TAF4: variants seen among roughly 807,000 people sequenced by gnomAD.
The protein encoded by TAF4 is transcription initiation factor TFIID subunit 4.
A neutral mutation model predicts 90.3 loss-of-function variants in TAF4; 9 were observed. That is an observed-to-expected ratio of 0.10 (90% CI 0.06 to 0.17). The LOEUF is 0.17. TAF4 is among the 10% of genes least tolerant of loss of function. TAF4 has a pLI of 1.00. For synonymous variants in TAF4, 818 were observed against 638.9 expected (o/e 1.28, Z -4.23); for missense variants, 1,351 against 1,370.7 (o/e 0.99, Z 0.23).
chr20:62,009,486 C>T (rs987305802), intron 4 of TAF4, among the ~76,000 whole-genome samples: 1 of 152,240 alleles, frequency 6.6e-6, no homozygotes, highest in African/African-American at 2.4e-5. Flanking sequence ...ACCATAAGGA[C>T]AACCTATGCC....
chr20:62,018,675 G>A (rs1283837969), intron 1 of TAF4, among the ~76,000 whole-genome samples: 1 of 152,256 alleles, frequency 6.6e-6, no homozygotes, highest in Non-Finnish European at 1.5e-5. Flanking sequence ...AGGTCTTTGT[G>A]AGGAATGCAG....
intron 8 of TAF4, 26 bp from the exon 9 acceptor site, chr20:62,003,300 C>A: frequency 6.4e-7 from 1 of 1,570,912 alleles, no homozygotes; most frequent in Non-Finnish European, 8.8e-7. Flanking sequence ...ACAGTGGAAA[C>A]CACACAAGGC....
intron 14 of TAF4, among the ~76,000 whole-genome samples, chr20:61,997,140 G>A (rs929304603): frequency 6.6e-6 from 1 of 152,172 alleles, no homozygotes; most frequent in Non-Finnish European, 1.5e-5. Flanking sequence ...AATGGAATTT[G>A]GAGAAACAGC....
intron 1 of TAF4, among the ~76,000 whole-genome samples, chr20:62,021,582 G>T: frequency 6.6e-6 from 1 of 152,266 alleles, no homozygotes; most frequent in East Asian, 1.9e-4. Context: ...CCGGGGCTCT[G>T]CGGACTGCGG....
In TAF4 at chr20:61,995,638, T is replaced by C. The variant is rs978909882; in HGVS notation, c.3090+1912A>G. Among the ~76,000 whole-genome samples, 4 of 14,306 alleles carry C rather than the reference T, an allele frequency of 2.8e-4. 1 individual carries two copies. Among genetic ancestry groups the C allele is most frequent in the Non-Finnish European group, 5.2e-4 (4 of 7,652 alleles). 9.4% of individuals were successfully genotyped at this position (14,306 alleles called of 152,430 possible). A position where few individuals can be genotyped will look rare whatever the true frequency, so the allele number is the denominator to read the frequency against. ...CAGCACTTTGGGAGGCCGAGGCGGG[T>C]GGATCATGAGGTCAGGAGATCGAGA... On this transcript the variant is annotated intron_variant, in intron 14 of 14. Transcript: ENST00000252996.
chr20:61,981,955 C>T (rs1402550443), intron 14 of TAF4, among the ~76,000 whole-genome samples: 2 of 141,540 alleles, frequency 1.4e-5, no homozygotes, highest in African/African-American at 2.7e-5. Context: ...CCACACCCAC[C>T]GGAGAGGAGA....
At chr20:61,989,954 G>C (rs1049617722) in intron 14 of TAF4, among the ~76,000 whole-genome samples, 4 of 152,202 alleles carry the variant, frequency 2.6e-5, no homozygotes, top group Non-Finnish European at 5.9e-5. Context: ...GAGGCTGTGG[G>C]TGGAGGTGCG....
chr20:62,007,571 T>G lies in TAF4; in HGVS notation c.1950A>C (p.Gln650His). 2 of 1,613,318 alleles carry G rather than the reference T, an allele frequency of 1.2e-6. No homozygotes were observed. Among genetic ancestry groups the G allele is most frequent in the Non-Finnish European group, 1.7e-6 (2 of 1,179,718 alleles). Residue 650 changes from glutamine (Q) to histidine (H), a missense_variant, in exon 6 of 15, where the codon CAA becomes CAC. Gln to His is a conservative substitution (Grantham distance 24, BLOSUM62 0). Around this residue, in one of 9 missense-constraint regions of TAF4, gnomAD observed 44 missense variants for 97.4 expected, o/e 0.45. Transcript: ENST00000252996. ...CCTTCAGGAAAGGCACAAGGTAAGG[T>G]TGAGGTGAAGAATTAAGTTCTCGGT... is the stretch of plus-strand genomic sequence containing the variant. Reference protein sequence around the residue: ...RLYRELNSSPQPYLVPFLKRS... With the variant: ...RLYRELNSSPHPYLVPFLKRS...
intron 1 of TAF4, among the ~76,000 whole-genome samples, chr20:62,042,067 G>T (rs2055966704): frequency 6.6e-6 from 1 of 152,168 alleles, no homozygotes; most frequent in Non-Finnish European, 1.5e-5. Flanking sequence ...CCCTAAATGG[G>T]AACAGGCATT....
rs746054320 is a variant in TAF4, at chr20:62,003,803, C to T, written c.2299G>A (p.Ala767Thr). Reference sequence around the variant, plus strand: ...ATCCGGTTGTGAGGCTGCCGCAGGGCGACCATGGGTGTCTGCGTCAACGTC... The same window carrying T: ...ATCCGGTTGTGAGGCTGCCGCAGGGTGACCATGGGTGTCTGCGTCAACGTC... ...QVTLTQTPMV[A>T]LRQPHNRIML... The change falls in exon 8 of 15, where the codon GCC (alanine) becomes ACC (threonine). Residue 767 changes from alanine to threonine, a missense_variant. Transcript: ENST00000252996. The T allele has an allele frequency of 5.0e-6, 8 of 1,608,408 alleles. No individual in the cohort carries two copies. The highest frequency in any genetic ancestry group is 2.2e-5 in the South Asian group (2 of 90,874).
chr20:62,030,039 A>G (rs2055896064), intron 1 of TAF4, among the ~76,000 whole-genome samples: 1 of 152,174 alleles, frequency 6.6e-6, no homozygotes, highest in African/African-American at 2.4e-5. Flanking sequence ...GGGTGTCAGG[A>G]GCTGGCCAGG....
In TAF4 at chr20:62,065,044, G is replaced by A. The variant is rs2056118233; in HGVS notation, c.767C>T (p.Ser256Leu). Residue 256 changes from serine (S) to leucine (L), a missense_variant, in exon 1 of 15, where the codon TCG (serine) becomes TTG (leucine). Physicochemically the swap from Ser to Leu is moderately radical, Grantham distance 145. Around this residue, in one of 9 missense-constraint regions of TAF4, gnomAD observed 782 missense variants for 536.6 expected, o/e 1.46. Coordinates refer to ENST00000252996, the MANE Select transcript of TAF4 (RefSeq NM_003185.4). The part of the protein sequence containing the change: ...AAAPPAPAAP[S>L]PPAAPAPAAP... ...GGCGGGCGCGGGGGCGGCGGGGGGC[G>A]AGGGCGCGGCGGGCGCGGGGGGCGC... 1.4e-6 allele frequency: 1 copy of A among 705,750 alleles called. No homozygotes were observed. Among genetic ancestry groups the A allele is most frequent in the South Asian group, 6.2e-5 (1 of 16,206 alleles). 43.7% of individuals were successfully genotyped at this position (705,750 alleles called of 1,614,324 possible).
At chr20:61,987,089 G>GCAGCAA (rs1335286883) in intron 14 of TAF4, among the ~76,000 whole-genome samples, 4 of 152,236 alleles carry the variant, frequency 2.6e-5, no homozygotes, top group Non-Finnish European at 5.9e-5. Flanking sequence ...AGCAGCAGCA[G>GCAGCAA]CAGCAACAGC....
chr20:61,979,468 TGGCCACTCCAGAGGGACTGCGGCCC>T (rs2055521410), intron 14 of TAF4, among the ~76,000 whole-genome samples: 1 of 141,972 alleles, frequency 7.0e-6, no homozygotes, highest in African/African-American at 2.7e-5. Flanking sequence ...GCAGGCGCCA[TGGCCACTCCAGAGGGACTGCGGCCC>T]GTGCAGGCGC....
intron 7 of TAF4, chr20:62,004,875 TATGCTCTGGCCCTGTCCCCAGG>T (rs1392874077): frequency 6.6e-6 from 1 of 152,382 alleles, no homozygotes; most frequent in African/African-American, 2.4e-5. Flanking sequence ...GACCATGGCC[TATGCTCTGGCCCTGTCCCCAGG>T]ATGCTGGGGC....
At chr20:62,021,876 C>T (rs73611598) in intron 1 of TAF4, among the ~76,000 whole-genome samples, 1 of 152,122 alleles carries the variant, frequency 6.6e-6, no homozygotes, top group East Asian at 1.9e-4. Context: ...GCACCTCAGA[C>T]GGCGACAGAG....
chr20:62,045,908 T>C (rs1417702029), intron 1 of TAF4, among the ~76,000 whole-genome samples: 1 of 152,218 alleles, frequency 6.6e-6, no homozygotes, highest in Non-Finnish European at 1.5e-5. Flanking sequence ...TAACCTCTTT[T>C]TCACAACTAT....
intron 1 of TAF4, among the ~76,000 whole-genome samples, chr20:62,053,160 G>A (rs1436652527): frequency 6.6e-6 from 1 of 152,156 alleles, no homozygotes; most frequent in Non-Finnish European, 1.5e-5. Context: ...ACCCGAAAGT[G>A]GAAGAGGGTG....
At chr20:61,990,323 T>C (rs1244574831) in intron 14 of TAF4, among the ~76,000 whole-genome samples, 1 of 152,188 alleles carries the variant, frequency 6.6e-6, no homozygotes, top group Non-Finnish European at 1.5e-5. Flanking sequence ...TTCTGTAGAT[T>C]TGAAAACTAC....
Sources: allele counts gnomAD v4.1 joint callset (sites outside exome capture counted in the v4.1 genomes callset), GRCh38; gene constraint gnomAD v4.1.1; regional missense constraint gnomAD v4.1.1; transcripts MANE v1.5; gene names NCBI Gene and HGNC (gene_info 2026-07-23, HGNC 2026-07-21).